The following RANBP3 variants were observed in gnomAD, a reference collection of about 807,000 sequenced individuals.
The protein encoded by RANBP3 is ran-binding protein 3.
Under a neutral mutation model 77.3 loss-of-function variants are expected in RANBP3, and 14 were observed. The observed-to-expected ratio is 0.18, with a 90% CI of 0.12 to 0.28. The LOEUF (loss-of-function observed/expected upper bound fraction) is 0.28, where lower values mean the gene tolerates loss of function less well. Among genes scored for constraint, RANBP3 ranks in the 10% least tolerant of loss-of-function variants. RANBP3 has a pLI of 1.00. For synonymous variants in RANBP3, 315 were observed against 312.4 expected (o/e 1.01, Z -0.09); for missense variants, 586 against 752.3 (o/e 0.78, Z 2.59).
At position 5,956,679 on chromosome 19, in the gene RANBP3, A is replaced by C. The variant is rs553653366; in HGVS notation, c.78+1239T>G. Among the ~76,000 whole-genome samples, 3 of 152,204 alleles carry C rather than the reference A, an allele frequency of 2.0e-5. No homozygotes were observed. The East Asian group carries it at 5.8e-4, about 29-fold the overall frequency. On this transcript the variant is annotated intron_variant, in intron 2 of 16. Transcript: ENST00000340578. ...CCCCTCCTCCCCAACCCCTACAAAC[A>C]CACACACCCGATCCCCACAGAGCAC...
At chr19:5,970,986 G>A (rs2058523491) in intron 1 of RANBP3, among the ~76,000 whole-genome samples, 1 of 152,146 alleles carries the variant, frequency 6.6e-6, no homozygotes, top group Non-Finnish European at 1.5e-5. Context: ...TTCTCCCGAT[G>A]TTGGCAAGGC....
chr19:5,972,337 AGAC>A (rs369402197), intron 1 of RANBP3, among the ~76,000 whole-genome samples: 9 of 152,332 alleles, frequency 5.9e-5, no homozygotes, highest in African/African-American at 2.2e-4. Flanking sequence ...CTAAGTGCCA[AGAC>A]TACTGAGGAG....
At chr19:5,956,596 G>A (rs890162771) in intron 2 of RANBP3, among the ~76,000 whole-genome samples, 4 of 152,188 alleles carry the variant, frequency 2.6e-5, no homozygotes, top group African/African-American at 9.7e-5. Context: ...ATAAGTCCAG[G>A]CTAACACACA....
chr19:5,933,460 G>A lies in RANBP3; in HGVS notation c.426C>T (p.Phe142=). ...PSQSEERSSG[F]RLKPPTLIHG... ...GGATCAGCGTTGGTGGCTTCAACCG[G>A]AAGCCACTGCTCCTTTCCTCTAAAA... The change falls in exon 6 of 17, where the codon TTC becomes TTT. Residue 142 remains phenylalanine (F), a synonymous_variant. Transcript: ENST00000340578. 6.2e-7 allele frequency: 1 copy of A among 1,613,286 alleles called. No individual in the cohort carries two copies. Among genetic ancestry groups the A allele is most frequent in the South Asian group, 1.1e-5 (1 of 91,014 alleles).
Position 5,925,723 on chromosome 19 carries a change from G to T in RANBP3, c.828C>A (p.Ser276Arg), listed in dbSNP as rs374152173. The T allele has an allele frequency of 3.7e-6, 6 of 1,613,642 alleles. No homozygotes were observed. Among genetic ancestry groups the T allele is most frequent in the Admixed American group, 1.7e-5 (1 of 59,972 alleles). ...CATTCTCCATGTCGGCTTCGTCCAC[G>T]CTCTCATTTATCAGCTGGGAATGAG... is the stretch of plus-strand genomic sequence containing the variant. The part of the protein sequence containing the change: ...LRDRVKLINE[S>R]VDEADMENAG... The change falls in exon 10 of 17, where the codon AGC (serine) becomes AGA (arginine). Residue 276 changes from serine (S) to arginine (R), a missense_variant. Ser to Arg is a moderately radical substitution (Grantham distance 110). Coordinates refer to ENST00000340578, the MANE Select transcript of RANBP3 (RefSeq NM_007322.3).
intron 1 of RANBP3, among the ~76,000 whole-genome samples, chr19:5,971,225 A>G (rs1242057272): frequency 1.3e-5 from 2 of 152,226 alleles, no homozygotes; most frequent in East Asian, 1.9e-4. Flanking sequence ...GTTAAATAAC[A>G]TATTTTTATG....
At chr19:5,965,114 G>T (rs1424491631) in intron 1 of RANBP3, among the ~76,000 whole-genome samples, 1 of 152,074 alleles carries the variant, frequency 6.6e-6, no homozygotes, top group Non-Finnish European at 1.5e-5. Flanking sequence ...TCCTTGCAGG[G>T]GGCAGTAGGT....
At chr19:5,922,433 A>G (rs973707878) in intron 13 of RANBP3, among the ~76,000 whole-genome samples, 1 of 152,198 alleles carries the variant, frequency 6.6e-6, no homozygotes, top group Non-Finnish European at 1.5e-5. Context: ...CGGGAGAGGA[A>G]GCACATGGAT....
intron 1 of RANBP3, among the ~76,000 whole-genome samples, chr19:5,977,696 G>A (rs1192468377): frequency 6.6e-6 from 1 of 152,230 alleles, no homozygotes; most frequent in Non-Finnish European, 1.5e-5. Context: ...CGCGCTCCGG[G>A]CCACAACCAG....
chr19:5,964,398 G>T (rs1568478963), intron 1 of RANBP3, among the ~76,000 whole-genome samples: 1 of 152,186 alleles, frequency 6.6e-6, no homozygotes, highest in Non-Finnish European at 1.5e-5. Context: ...GAACCACTCT[G>T]CCAGCTGCAC....
intron 14 of RANBP3, among the ~76,000 whole-genome samples, chr19:5,919,005 C>T (rs763356563): frequency 2.0e-5 from 3 of 152,288 alleles, no homozygotes; most frequent in Middle Eastern, 3.4e-3. Flanking sequence ...GAGAGGAGTA[C>T]GGGGTGGGCT....
chr19:5,931,677 C>G (rs2057993703), intron 7 of RANBP3, 146 bp from the exon 8 acceptor site: 1 of 813,830 alleles, frequency 1.2e-6, no homozygotes, highest in Non-Finnish European at 1.7e-6. Flanking sequence ...TAAGGAAGGA[C>G]CTGGTATCTC....
In RANBP3 at chr19:5,952,967, G is replaced by A. The variant is rs866160796; in HGVS notation, c.79-1371C>T. Among the ~76,000 whole-genome samples the A allele has an allele frequency of 3.3e-5, 5 of 152,246 alleles. No homozygotes were observed. Among genetic ancestry groups the A allele is most frequent in the South Asian group, 2.1e-4 (1 of 4,818 alleles). ...CCTCACAAGAGAAAAATTAAACCCA[G>A]AGCTCTGTGGGGGACTGCCTATCTC... is the stretch of plus-strand genomic sequence containing the variant. On this transcript the variant is annotated intron_variant, in intron 2 of 16. Coordinates refer to ENST00000340578, the MANE Select transcript of RANBP3 (RefSeq NM_007322.3). This position sits in a 1 kb window ranked among gnomAD's most constrained non-coding sequence, Gnocchi z 4.1.
At chr19:5,919,982 G>C (rs910289841) in intron 14 of RANBP3, among the ~76,000 whole-genome samples, 3 of 151,970 alleles carry the variant, frequency 2.0e-5, no homozygotes, top group Non-Finnish European at 4.4e-5. Context: ...GTTCTGACCA[G>C]AGCAGTGTTT....
chr19:5,977,026 C>A (rs1260260122), intron 1 of RANBP3, among the ~76,000 whole-genome samples: 1 of 152,204 alleles, frequency 6.6e-6, no homozygotes, highest in Admixed American at 6.5e-5. Context: ...AACAGTATGT[C>A]AAGACTTTGC....
intron 1 of RANBP3, among the ~76,000 whole-genome samples, chr19:5,966,882 T>G (rs2058473843): frequency 6.6e-6 from 1 of 152,250 alleles, no homozygotes; most frequent in African/African-American, 2.4e-5. Flanking sequence ...CTGATATGTC[T>G]TAATCTTCTT....
chr19:5,966,842 T>C (rs939542067), intron 1 of RANBP3, among the ~76,000 whole-genome samples: 4 of 152,248 alleles, frequency 2.6e-5, no homozygotes, highest in Admixed American at 2.6e-4. Context: ...GTCAGCAAGG[T>C]ACTTGCATAA....
rs757042900 is a variant in RANBP3, at chr19:5,932,552, C to G, written c.473-8G>C. The G allele has an allele frequency of 1.2e-6, 2 of 1,612,986 alleles. No individual in the cohort carries two copies. Among genetic ancestry groups the G allele is most frequent in the Non-Finnish European group, 1.7e-6 (2 of 1,179,684 alleles). On this transcript the variant is annotated splice_polypyrimidine_tract_variant and splice_region_variant and intron_variant, in intron 6 of 16. Coordinates refer to ENST00000340578, the MANE Select transcript of RANBP3 (RefSeq NM_007322.3). ...GCTTCTGGCTTGGCAGACCTAGGAA[C>G]AGAAGGCGGCCTTCCCAGTGCCCGT...
At chr19:5,930,163 G>C (rs911247619) in intron 8 of RANBP3, among the ~76,000 whole-genome samples, 3 of 152,222 alleles carry the variant, frequency 2.0e-5, no homozygotes, top group African/African-American at 7.2e-5. Context: ...CTCCAACTCA[G>C]AACTGCACAC....
Sources: gnomAD v4.1 joint callset for allele counts (sites outside exome capture counted in the v4.1 genomes callset) on GRCh38, gnomAD v4.1.1 for gene constraint, Gnocchi (gnomAD v3.1) non-coding constraint, MANE v1.5 for transcripts, NCBI Gene and HGNC (gene_info 2026-07-23, HGNC 2026-07-21) for gene names.